NRDC: variants seen among roughly 807,000 people sequenced by gnomAD.
NRDC encodes the protein nardilysin.
NRDC carries 54 observed loss-of-function variants against 147.1 expected under a neutral mutation model. The observed-to-expected ratio is 0.37, with a 90% CI of 0.29 to 0.46. NRDC has a LOEUF of 0.46. Among genes scored for constraint, NRDC ranks in the 20% least tolerant of loss-of-function variants. The pLI, the probability that NRDC is intolerant of heterozygous loss-of-function variation, is 1.00. For synonymous variants in NRDC, 440 were observed against 482.1 expected (o/e 0.91, Z 1.14); for missense variants, 1,082 against 1,370.6 (o/e 0.79, Z 3.33).
intron 1 of NRDC, among the ~76,000 whole-genome samples, chr1:51,857,035 A>G (rs112745499): frequency 0.025 from 3,853 of 152,332 alleles, 111 homozygotes; most frequent in South Asian, 0.095. Context: ...AGACTTTAAC[A>G]AGGGCTATGG....
intron 21 of NRDC, among the ~76,000 whole-genome samples, chr1:51,799,365 AG>A (rs2149190906): frequency 6.7e-6 from 1 of 149,882 alleles, no homozygotes; most frequent in South Asian, 2.1e-4. Context: ...ACCCCCCAAC[AG>A]GCCCTGGTGT....
rs550482438 is a variant in NRDC at position 51,840,193 on chromosome 1, C to T, written c.630+33G>A. 5 of 1,542,316 alleles carry T rather than the reference C, an allele frequency of 3.2e-6. No homozygotes were observed. In the East Asian group the frequency reaches 9.0e-5, roughly 28 times the overall value. On this transcript the variant is annotated intron_variant, in intron 2 of 30. Coordinates refer to ENST00000352171, the MANE Select transcript of NRDC (RefSeq NM_001101662.2). ...GAGTTTAGAAGTTACCCAAAGAATT[C>T]CCAAATTAGAAGAAAACAGACATGA...
At chr1:51,868,017 G>A (rs1682900870) in intron 1 of NRDC, among the ~76,000 whole-genome samples, 1 of 152,200 alleles carries the variant, frequency 6.6e-6, no homozygotes, top group African/African-American at 2.4e-5. Flanking sequence ...ACAATTGCTG[G>A]AATAATTAGT....
intron 1 of NRDC, among the ~76,000 whole-genome samples, chr1:51,846,933 T>C (rs1238467305): frequency 7.2e-5 from 11 of 152,134 alleles, no homozygotes; most frequent in Admixed American, 6.5e-4. Flanking sequence ...CCCACTAGAT[T>C]AGCTAGATAC....
intron 15 of NRDC, 68 bp from the exon 16 acceptor site, chr1:51,810,472 C>G: frequency 2.2e-6 from 3 of 1,390,038 alleles, no homozygotes; most frequent in Non-Finnish European, 2.9e-6. Context: ...GTTAAAAAGG[C>G]AAAAATCACA....
chr1:51,873,676 A>C (rs992839590), intron 1 of NRDC, among the ~76,000 whole-genome samples: 1 of 151,412 alleles, frequency 6.6e-6, no homozygotes, highest in African/African-American at 2.4e-5. Flanking sequence ...ACAACTGGCT[A>C]ATTTTTTTAT....
At chr1:51,809,810 G>C (rs2149199669) in intron 16 of NRDC, among the ~76,000 whole-genome samples, 1 of 152,092 alleles carries the variant, frequency 6.6e-6, no homozygotes, top group South Asian at 2.1e-4. Context: ...GCAGGGACAG[G>C]AGAATTGCTT....
chr1:51,848,852 A>C (rs1268833056), intron 1 of NRDC, among the ~76,000 whole-genome samples: 1 of 152,218 alleles, frequency 6.6e-6, no homozygotes, highest in East Asian at 1.9e-4. Context: ...TGAAGCACAA[A>C]AAAGGTCTGT....
intron 1 of NRDC, among the ~76,000 whole-genome samples, chr1:51,842,480 G>T (rs140912591): frequency 6.8e-4 from 103 of 152,230 alleles, no homozygotes; most frequent in African/African-American, 2.3e-3. Flanking sequence ...GCTCAATTAT[G>T]TAAACTGGAA....
In NRDC at chr1:51,794,544, A is replaced by T; in HGVS notation, c.2703T>A (p.Ser901Arg). 1 of 1,614,196 alleles carries T rather than the reference A, an allele frequency of 6.2e-7. No homozygotes were observed. Among genetic ancestry groups the T allele is most frequent in the Non-Finnish European group, 8.5e-7 (1 of 1,180,012 alleles). ...CTTTCACTTTGCATAGATGGTGGCC[A>T]CTGGGCAGCTCTACCACCTGGAACT... ...PVQFQVVELPSGHHLCKVKAL... is the reference protein window; with the variant it reads ...PVQFQVVELPRGHHLCKVKAL... Residue 901 changes from serine to arginine, a missense_variant, in exon 24 of 31, where the codon AGT becomes AGA. By Grantham distance (110) the Ser-to-Arg change is moderately radical. Coordinates refer to ENST00000352171, the MANE Select transcript of NRDC (RefSeq NM_001101662.2).
At chr1:51,793,756 C>T (rs1557896014) in intron 24 of NRDC, among the ~76,000 whole-genome samples, 1 of 152,206 alleles carries the variant, frequency 6.6e-6, no homozygotes, top group Non-Finnish European at 1.5e-5. Context: ...ATAACAGCAG[C>T]GGCTACAGGA....
At chr1:51,795,249 T>C in intron 22 of NRDC, 1 of 1,256,484 alleles carries the variant, frequency 8.0e-7, no homozygotes, top group Non-Finnish European at 1.0e-6. Context: ...ACTGAGTGAA[T>C]ACATCCTCTT....
At chr1:51,877,883 T>A (rs1303877608) in intron 1 of NRDC, 11 of 358,472 alleles carry the variant, frequency 3.1e-5, no homozygotes, top group Non-Finnish European at 4.1e-5. Context: ...CTCAAATATT[T>A]TGGATAGTGA....
At chr1:51,858,779 A>G (rs539088390) in intron 1 of NRDC, among the ~76,000 whole-genome samples, 82 of 152,310 alleles carry the variant, frequency 5.4e-4, no homozygotes, top group African/African-American at 1.6e-3. Flanking sequence ...CCACCTACCC[A>G]ACTAAAATAT....
chr1:51,789,535 C>G (rs765404762), intron 30 of NRDC, 33 bp downstream of exon 30: 4 of 1,594,688 alleles, frequency 2.5e-6, no homozygotes, highest in Non-Finnish European at 3.4e-6. Context: ...AATGACAACC[C>G]TAGAATGGAT....
chr1:51,857,768 A>G (rs918317135), intron 1 of NRDC, among the ~76,000 whole-genome samples: 2 of 152,232 alleles, frequency 1.3e-5, no homozygotes, highest in Non-Finnish European at 2.9e-5. Flanking sequence ...GGCAGAAACT[A>G]GCAGAAATGG....
chr1:51,811,621 TA>T (rs1679721416), intron 15 of NRDC, among the ~76,000 whole-genome samples: 1 of 152,206 alleles, frequency 6.6e-6, no homozygotes, highest in Admixed American at 6.5e-5. Context: ...TCAAAATGAT[TA>T]AAAATTTAAT....
intron 1 of NRDC, among the ~76,000 whole-genome samples, chr1:51,868,808 G>A (rs1682946032): frequency 6.6e-6 from 1 of 152,098 alleles, no homozygotes; most frequent in African/African-American, 2.4e-5. Context: ...GGGAGGTGGA[G>A]GTTGCAGTGA....
chr1:51,847,276 C>T (rs1013581339), intron 1 of NRDC, among the ~76,000 whole-genome samples: 1 of 152,230 alleles, frequency 6.6e-6, no homozygotes, highest in Non-Finnish European at 1.5e-5. Context: ...CATAAAGGTT[C>T]TCCGAGTCCC....
Sources: gnomAD v4.1 joint callset for allele counts (sites outside exome capture counted in the v4.1 genomes callset) on GRCh38, gnomAD v4.1.1 for gene constraint, MANE v1.5 for transcripts, NCBI Gene and HGNC (gene_info 2026-07-23, HGNC 2026-07-21) for gene names.